Variants in LRRC71 observed in about 807,000 individuals in gnomAD.
The protein encoded by LRRC71 is leucine rich repeat containing 71.
A neutral mutation model predicts 66.6 loss-of-function variants in LRRC71; 54 were observed. The observed-to-expected ratio is 0.81, with a 90% confidence interval of 0.65 to 1.02. The LOEUF is 1.02. LRRC71 is among the 50% of genes least tolerant of loss of function. The pLI is 0.00. For synonymous variants in LRRC71, 323 were observed against 303.9 expected, an observed-to-expected ratio of 1.06 and a Z score of -0.65; for missense variants, 724 against 718.0, an observed-to-expected ratio of 1.01 and a Z score of -0.10.
chr1:156,938,528 C>T, the LRRC71 span: 2 of 1,609,974 alleles, frequency 1.2e-6, no homozygotes, highest in East Asian at 2.2e-5. Flanking sequence ...ACCGACACCA[C>T]CACCACCAGG....
rs1198508046 is a variant in LRRC71, at chr1:156,931,931, A to G, written c.1345A>G (p.Thr449Ala). ...GCTTTAGCAGCTGGTTGTTGAGGCT[A>G]CTGAGGTGGTCAACCCTCTCCTGGA... ...LLESELVVEA[T>A]EVVNPLLEPV... The change falls in exon 13 of 15, where the codon ACT (threonine) becomes GCT (alanine). Residue 449 changes from threonine (T) to alanine (A), a missense_variant. Transcript: ENST00000337428. 13 of 1,589,640 alleles carry G rather than the reference A, an allele frequency of 8.2e-6. No individual in the cohort carries two copies. In the East Asian group the frequency reaches 2.9e-4, roughly 36 times the overall value.
At chr1:156,936,491 A>ATAT (rs1553192701), downstream of LRRC71, among the ~76,000 whole-genome samples, 29 of 71,382 alleles carry the variant, frequency 4.1e-4, no homozygotes, top group African/African-American at 1.3e-3. Context: ...AAAAAAAAAA[A>ATAT]AAAAAAATAT....
Position 156,920,880 on chromosome 1 carries a change from T to C in LRRC71, c.77T>C (p.Val26Ala), listed in dbSNP as rs41273221. 249,329 of 1,538,448 alleles carry C rather than the reference T, an allele frequency of 0.16. 21,161 individuals carry two copies. The highest frequency in any genetic ancestry group is 0.34 in the East Asian group (13,458 of 39,978). ...RPGTQKSSGA[V>A]TKKGERAAKE... is the part of the protein sequence containing the mutation. ...GGGACCCAGAAGTCTTCTGGCGCGG[T>C]GACCAAAAAGGGAGAGCGCGCGGCC... is the stretch of plus-strand genomic sequence containing the variant. The change falls in exon 1 of 15, where the codon GTG becomes GCG. Residue 26 changes from valine to alanine, a missense_variant. Physicochemically the swap from Val to Ala is moderately conservative, Grantham distance 64 (BLOSUM62 0). Coordinates refer to ENST00000337428, the MANE Select transcript of LRRC71 (RefSeq NM_144702.3). This position sits in a 1 kb window ranked among gnomAD's most constrained non-coding sequence, Gnocchi z 4.9.
chr1:156,928,912 A>G (rs183576914), intron 9 of LRRC71, among the ~76,000 whole-genome samples: 16 of 152,186 alleles, frequency 1.1e-4, no homozygotes, highest in Admixed American at 1.0e-3. Flanking sequence ...CCTCATCTGT[A>G]AGTGGGGATA....
Position 156,924,954 on chromosome 1 carries a change from C to A in LRRC71, c.532C>A (p.Leu178Met). The A allele has an allele frequency of 6.4e-7, 1 of 1,551,678 alleles. No homozygotes were observed. The highest frequency in any genetic ancestry group is 8.7e-7 in the Non-Finnish European group (1 of 1,146,998). ...CCACGACAGCTTGTGGAAGGTGGGG[C>A]TGACCGATAAGACCCTGACCACCTT... ...LQAINLWKVG[L>M]TDKTLTTFIE... Residue 178 changes from leucine to methionine, a missense_variant, in exon 5 of 15, where the codon CTG becomes ATG. By Grantham distance (15) the Leu-to-Met change is conservative (BLOSUM62 2). Coordinates refer to ENST00000337428, the MANE Select transcript of LRRC71 (RefSeq NM_144702.3).
chr1:156,923,769 C>T (rs1216756211), intron 1 of LRRC71, among the ~76,000 whole-genome samples, 180 bp from the exon 2 acceptor site: 2 of 152,268 alleles, frequency 1.3e-5, no homozygotes, highest in Admixed American at 6.5e-5. Flanking sequence ...CCCCTTTCTC[C>T]GAGCTCTTGC....
Position 156,920,961 on chromosome 1 carries a change from C to G in LRRC71, c.158C>G (p.Pro53Arg), listed in dbSNP as rs1558162387. The G allele has an allele frequency of 6.7e-7, 1 of 1,502,024 alleles. No homozygotes were observed. The highest frequency in any genetic ancestry group is 1.4e-5 in the African/African-American group (1 of 70,692). The allele number at this position is 1,502,024 out of a possible 1,614,324, so 93.0% of individuals were successfully genotyped here. Residue 53 changes from proline (P) to arginine (R), a missense_variant and splice_region_variant, in exon 1 of 15, where the codon CCT (proline) becomes CGT (arginine). Transcript: ENST00000337428. This position sits in a 1 kb window ranked among gnomAD's most constrained non-coding sequence, Gnocchi z 4.9. ...PPVGEEEPKS[P>R]EEYQCSGVLE... The stretch of plus-strand genomic sequence containing the variant: ...GTGGGGGAGGAGGAGCCCAAAAGCC[C>G]TGGTACGCTGGCGCCGGGGTTTGGG...
At position 156,929,196 on chromosome 1, in the gene LRRC71, A is replaced by G. The variant is rs1224874876; in HGVS notation, c.997-84A>G. 2.7e-6 allele frequency: 4 copies of G among 1,489,810 alleles called. No homozygotes were observed. In the East Asian group the frequency reaches 7.4e-5, roughly 28 times the overall value. 92.3% of individuals were successfully genotyped at this position (1,489,810 alleles called of 1,614,324 possible). A position where few individuals can be genotyped will look rare whatever the true frequency, so the allele number is the denominator to read the frequency against. On this transcript the variant is annotated intron_variant, in intron 9 of 14. Coordinates refer to ENST00000337428, the MANE Select transcript of LRRC71 (RefSeq NM_144702.3). ...GTGCTGTCAGCTCGACTGCTCCCCAAGTATGGGTATAGCTACCTTTCATGC... is the reference window on the plus strand; with the variant it reads ...GTGCTGTCAGCTCGACTGCTCCCCAGGTATGGGTATAGCTACCTTTCATGC...
At chr1:156,932,136 TG>T in intron 13 of LRRC71, 109 bp downstream of exon 13, 1 of 886,032 alleles carries the variant, frequency 1.1e-6, no homozygotes, top group East Asian at 2.6e-5. Flanking sequence ...CTCCCATCTT[TG>T]GGCTACATGT....
At chr1:156,938,373 A>G in the LRRC71 span, 3 of 1,571,886 alleles carry the variant, frequency 1.9e-6, no homozygotes. Context: ...CAGGTTCCAC[A>G]CTCCAGTCTT....
chr1:156,929,656 G>A lies in LRRC71; in HGVS notation c.1167G>A (p.Glu389=). ...CACAGGAATTGGCCAAGAAAGAGGA[G>A]AAGTTGGGGTCTGGGCAGTCACCCA... ...EKSWELAKKE[E]KLGSGQSPTQ... The change falls in exon 11 of 15, where the codon GAG becomes GAA. Residue 389 remains glutamate, a synonymous_variant. Transcript: ENST00000337428. 3 of 1,587,324 alleles carry A rather than the reference G, an allele frequency of 1.9e-6. No homozygotes were observed. Among genetic ancestry groups the A allele is most frequent in the Non-Finnish European group, 2.6e-6 (3 of 1,166,832 alleles).
chr1:156,924,314 G>A (rs1395495891), intron 2 of LRRC71, 110 bp from the exon 3 acceptor site: 1 of 1,433,218 alleles, frequency 7.0e-7, no homozygotes, highest in Non-Finnish European at 9.3e-7. Flanking sequence ...CCGCAGGCCG[G>A]CGCCTCCCCT....
At chr1:156,929,182 T>G (rs1653885868) in intron 9 of LRRC71, 98 bp from the exon 10 acceptor site, 2 of 1,424,436 alleles carry the variant, frequency 1.4e-6, no homozygotes, top group African/African-American at 1.4e-5. Context: ...TGCTGTCAGC[T>G]CGACTGCTCC....
chr1:156,931,785 T>A (rs1050652287), intron 12 of LRRC71, 131 bp from the exon 13 acceptor site: 3 of 694,296 alleles, frequency 4.3e-6, no homozygotes, highest in Non-Finnish European at 7.2e-6. Context: ...TATTTTTGTA[T>A]CCCCAGCACT....
Position 156,927,724 on chromosome 1 carries a change from G to C in LRRC71, c.823-9G>C. ...TTGGGCGGCTCACGCGTCCCTGCCC[G>C]CCTCTTAGGGCCTCCGGCTGAACCG... On this transcript the variant is annotated splice_polypyrimidine_tract_variant and intron_variant, in intron 7 of 14. Coordinates refer to ENST00000337428, the MANE Select transcript of LRRC71 (RefSeq NM_144702.3). 6.2e-7 allele frequency: 1 copy of C among 1,607,892 alleles called. No homozygotes were observed. The highest frequency in any genetic ancestry group is 1.3e-5 in the African/African-American group (1 of 75,008).
chr1:156,932,713 A>T (rs888918606), intron 14 of LRRC71, 140 bp from the exon 15 acceptor site: 1 of 1,540,610 alleles, frequency 6.5e-7, no homozygotes, highest in Non-Finnish European at 8.9e-7. Flanking sequence ...TTGCTGGAAA[A>T]TCAGCAGTAT....
At position 156,932,906 on chromosome 1, in the gene LRRC71, G is replaced by A. The variant is rs750002544; in HGVS notation, c.1617G>A (p.Met539Ile). 6.8e-6 allele frequency: 11 copies of A among 1,605,950 alleles called. No individual in the cohort carries two copies. Among genetic ancestry groups the A allele is most frequent in the Non-Finnish European group, 7.7e-6 (9 of 1,176,304 alleles). The change falls in exon 15 of 15, where the codon ATG (methionine) becomes ATA (isoleucine). Residue 539 changes from methionine to isoleucine, a missense_variant. Physicochemically the swap from Met to Ile is conservative, Grantham distance 10. Transcript: ENST00000337428. Reference sequence around the variant, plus strand: ...CGTACGCCATAATCCAGGAGCTGATGTTGCCAAGGGATCCCATCAAGGCCA... The same window carrying A: ...CGTACGCCATAATCCAGGAGCTGATATTGCCAAGGGATCCCATCAAGGCCA... ...CPAYAIIQEL[M>I]LPRDPIKAKL...
chr1:156,935,845 A>G (rs1048302184), downstream of LRRC71: 1 of 809,188 alleles, frequency 1.2e-6, no homozygotes, highest in African/African-American at 1.7e-5. Context: ...ACCAAGCAAC[A>G]TGCGGGTCTC....
chr1:156,924,796 G>C (rs1252502547), intron 4 of LRRC71, 78 bp downstream of exon 4: 25 of 1,518,998 alleles, frequency 1.6e-5, no homozygotes, highest in Non-Finnish European at 2.1e-5. Context: ...GAGAACCAAG[G>C]GGCATGGGAG....
Sources: gnomAD v4.1 joint callset for allele counts (sites outside exome capture counted in the v4.1 genomes callset) on GRCh38, gnomAD v4.1.1 for gene constraint, Gnocchi (gnomAD v3.1) non-coding constraint, MANE v1.5 for transcripts, NCBI Gene and HGNC (gene_info 2026-07-23, HGNC 2026-07-21) for gene names.